The following MCF2L variants were observed in gnomAD, a reference collection of about 807,000 sequenced individuals.
MCF2L encodes the protein guanine nucleotide exchange factor DBS.
Under a neutral mutation model 153.4 loss-of-function variants are expected in MCF2L, and 97 were observed. That is an observed-to-expected ratio of 0.63 (90% CI 0.54 to 0.75). The LOEUF is 0.75. MCF2L is among the 30% of genes least tolerant of loss of function. The pLI is 0.00. For missense variants in MCF2L, 1,347 were observed against 1,495.2 expected (o/e 0.90, Z 1.64); for synonymous variants, 659 against 632.2 (o/e 1.04, Z -0.64).
rs1208865586 is a variant in MCF2L at position 113,066,072 on chromosome 13, G to A, written c.783G>A (p.Glu261=). The change falls in exon 8 of 30, where the codon GAG becomes GAA. Residue 261 remains glutamate (E), a synonymous_variant. Transcript: ENST00000535094. ...AKEDLRLALK[E]GHSVLESLRE... ...AGGATTTGAGGCTGGCACTGAAAGAGGGGCACAGTGTCCTGGAGAGCCTCA... is the reference window on the plus strand; with the variant it reads ...AGGATTTGAGGCTGGCACTGAAAGAAGGGCACAGTGTCCTGGAGAGCCTCA... 7 of 1,613,172 alleles carry A rather than the reference G, an allele frequency of 4.3e-6. No homozygotes were observed. Among genetic ancestry groups the A allele is most frequent in the Admixed American group, 1.7e-5 (1 of 59,980 alleles).
chr13:112,971,749 C>A (rs536400549), intron 1 of MCF2L, among the ~76,000 whole-genome samples: 1 of 152,230 alleles, frequency 6.6e-6, no homozygotes, highest in African/African-American at 2.4e-5. Flanking sequence ...TGAACCTGAT[C>A]TTCAGTAACA....
intron 2 of MCF2L, chr13:112,910,728 G>C (rs919739272): frequency 6.6e-6 from 1 of 152,242 alleles, no homozygotes; most frequent in Non-Finnish European, 1.5e-5. Flanking sequence ...CAGGCACGAG[G>C]GGGGCTCGGG....
intron 18 of MCF2L, 121 bp from the exon 19 acceptor site, chr13:113,084,771 C>A: frequency 1.3e-6 from 1 of 771,522 alleles, no homozygotes. Context: ...CCTCGCAGGG[C>A]CGGGAAGACG....
chr13:113,090,322 C>T, intron 26 of MCF2L: 1 of 1,208,498 alleles, frequency 8.3e-7, no homozygotes, highest in South Asian at 1.6e-5. Flanking sequence ...GCACAGACAC[C>T]AGAGTTATTT....
rs536609330 is a variant in MCF2L at position 113,027,337 on chromosome 13, G to A, written c.278+2579G>A. On this transcript the variant is annotated intron_variant, in intron 3 of 29. Coordinates refer to ENST00000535094, the MANE Select transcript of MCF2L (RefSeq NM_001112732.3). The surrounding 1 kb of genome is among the most constrained non-coding windows in gnomAD (Gnocchi z 4.8). ...GTCATGCCTCAAGGAGAGGGAGAGC[G>A]GTGGGCACCTCTGTCCACTTGGCGG... Among the ~76,000 whole-genome samples the A allele has an allele frequency of 8.8e-4, 134 of 152,162 alleles. No individual in the cohort carries two copies. The highest frequency in any genetic ancestry group is 2.7e-3 in the African/African-American group (114 of 41,514).
At position 112,969,251 on chromosome 13, in the gene MCF2L, G is replaced by T. The variant is rs2081960913; in HGVS notation, c.-129G>T. 7 of 1,414,442 alleles carry T rather than the reference G, an allele frequency of 4.9e-6. No homozygotes were observed. The East Asian group carries it at 1.4e-4, about 28-fold the overall frequency. The allele number at this position is 1,414,442 out of a possible 1,614,324, so 87.6% of individuals were successfully genotyped here. On this transcript the variant is annotated 5_prime_UTR_variant, in exon 1 of 30. Coordinates refer to ENST00000535094, the MANE Select transcript of MCF2L (RefSeq NM_001112732.3). The surrounding 1 kb of genome is among the most constrained non-coding windows in gnomAD (Gnocchi z 4.8). ...CTGGGCAGGGAGGCGGCGGCTGGAG[G>T]CTGAAAGCGCTGCCGTGGCCCCCTC...
intron 2 of MCF2L, among the ~76,000 whole-genome samples, chr13:112,928,715 T>A (rs1347559309): frequency 6.6e-6 from 1 of 152,212 alleles, no homozygotes; most frequent in Admixed American, 6.5e-5. Context: ...AAGAGACACA[T>A]GTAAAACGCA....
intron 2 of MCF2L, among the ~76,000 whole-genome samples, chr13:112,915,410 C>CAAAAAA (rs779274453): frequency 5.8e-5 from 5 of 86,938 alleles, no homozygotes; most frequent in Non-Finnish European, 8.4e-5. Context: ...CTCTGTCTCA[C>CAAAAAA]AAAAAAAAAA....
Position 113,070,219 on chromosome 13 carries a change from G to C in MCF2L, c.996+46G>C, listed in dbSNP as rs752081602. On this transcript the variant is annotated intron_variant, in intron 9 of 29. Coordinates refer to ENST00000535094, the MANE Select transcript of MCF2L (RefSeq NM_001112732.3). This position sits in a 1 kb window ranked among gnomAD's most constrained non-coding sequence, Gnocchi z 5.6. ...CCGGCAGCCGCCCTGATGCTCACGG[G>C]GCCTCCTGTGCCTGCGCCCTGGTCC... 2 of 1,335,708 alleles carry C rather than the reference G, an allele frequency of 1.5e-6. No individual in the cohort carries two copies. Among genetic ancestry groups the C allele is most frequent in the Non-Finnish European group, 2.0e-6 (2 of 978,158 alleles). The allele number at this position is 1,335,708 out of a possible 1,614,324, so 82.7% of individuals were successfully genotyped here. A position where few individuals can be genotyped will look rare whatever the true frequency, so the allele number is the denominator to read the frequency against.
At chr13:113,084,835 CGCGTGATGCGCTGCCCATCCCTCACT>C (rs2034482300) in intron 18 of MCF2L, 31 bp from the exon 19 acceptor site, 12 of 1,342,420 alleles carry the variant, frequency 8.9e-6, no homozygotes, top group East Asian at 2.3e-5. Flanking sequence ...CGTCCCTCAC[CGCGTGATGCGCTGCCCATCCCTCACT>C]GCGTGATGCG....
upstream of MCF2L, chr13:112,969,205 C>T: frequency 9.0e-7 from 1 of 1,116,708 alleles, no homozygotes. This position sits in a 1 kb window ranked among gnomAD's most constrained non-coding sequence, Gnocchi z 4.8. Flanking sequence ...GCGCCCCCCT[C>T]CCGGTGGCGC....
intron 27 of MCF2L, chr13:113,095,892 C>G: frequency 8.5e-6 from 6 of 707,578 alleles, no homozygotes; most frequent in Non-Finnish European, 1.1e-5. Flanking sequence ...AAAGCGGGAA[C>G]AGCACAGACA....
intron 3 of MCF2L, chr13:113,044,637 C>T (rs756690630): frequency 4.4e-5 from 71 of 1,606,182 alleles, no homozygotes; most frequent in Non-Finnish European, 5.6e-5. Flanking sequence ...CTCTCCGCAC[C>T]GACTCTGTGA....
At chr13:112,936,119 A>C (rs937094053) in intron 2 of MCF2L, among the ~76,000 whole-genome samples, 2 of 152,046 alleles carry the variant, frequency 1.3e-5, no homozygotes, top group African/African-American at 4.8e-5. Flanking sequence ...GTCTCTACTA[A>C]AAATACAAAA....
Position 113,086,127 on chromosome 13 carries a change from A to G in MCF2L, c.2251A>G (p.Met751Val). 6.2e-7 allele frequency: 1 copy of G among 1,604,996 alleles called. No individual in the cohort carries two copies. The highest frequency in any genetic ancestry group is 8.5e-7 in the Non-Finnish European group (1 of 1,175,886). The change falls in exon 21 of 30, where the codon ATG becomes GTG. Residue 751 changes from methionine (M) to valine (V), a missense_variant. Coordinates refer to ENST00000535094, the MANE Select transcript of MCF2L (RefSeq NM_001112732.3). Reference protein sequence around the residue: ...ITKYQLLLKEMLKYSRNCEGA... With the variant: ...ITKYQLLLKEVLKYSRNCEGA... ...TGCCTCACCCCATGCCCCTCAGGAA[A>G]TGCTGAAATACAGCAGGAACTGCGA...
At chr13:112,929,776 C>T (rs1287274415) in intron 2 of MCF2L, among the ~76,000 whole-genome samples, 1 of 152,200 alleles carries the variant, frequency 6.6e-6, no homozygotes, top group East Asian at 1.9e-4. Flanking sequence ...GTCGGGATGG[C>T]GGAGTGACCA....
At chr13:112,966,950 C>T (rs1011678295), upstream of MCF2L, among the ~76,000 whole-genome samples, 1 of 152,184 alleles carries the variant, frequency 6.6e-6, no homozygotes, top group Non-Finnish European at 1.5e-5. The surrounding 1 kb of genome is among the most constrained non-coding windows in gnomAD (Gnocchi z 4.1). Context: ...AACAAGTCCT[C>T]GGTAGATCCT....
At chr13:112,972,806 AGGAG>A (rs2082093115) in intron 1 of MCF2L, among the ~76,000 whole-genome samples, 1 of 486 alleles carries the variant, frequency 2.1e-3, no homozygotes. Context: ...CATGGAGTGG[AGGAG>A]TGGATGGATG....
intron 2 of MCF2L, chr13:112,958,056 A>C (rs1160141118): frequency 6.6e-6 from 1 of 152,214 alleles, no homozygotes; most frequent in Non-Finnish European, 1.5e-5. Context: ...GACGTTCCCC[A>C]GCTGTCGCCG....
Sources: allele counts gnomAD v4.1 joint callset (sites outside exome capture counted in the v4.1 genomes callset), GRCh38; gene constraint gnomAD v4.1.1; non-coding constraint Gnocchi (gnomAD v3.1); transcripts MANE v1.5; gene names NCBI Gene and HGNC (gene_info 2026-07-23, HGNC 2026-07-21).